ARB2A: variants seen among roughly 807,000 people sequenced by gnomAD.
ARB2A encodes ARB2 cotranscriptional regulator A, also known as cotranscriptional regulator ARB2A.
the ARB2A span, among the ~76,000 whole-genome samples, chr5:93,907,574 A>C: frequency 6.6e-6 from 1 of 151,500 alleles, no homozygotes; most frequent in Non-Finnish European, 1.5e-5. Flanking sequence ...TCACAATGTC[A>C]AAATCATAAA....
chr5:93,873,034 T>C, the ARB2A span, among the ~76,000 whole-genome samples: 1 of 152,208 alleles, frequency 6.6e-6, no homozygotes, highest in Admixed American at 6.5e-5. Flanking sequence ...AATCTCATGC[T>C]ACTCAACATC....
chr5:93,683,151 C>T, the ARB2A span: 1 of 1,437,970 alleles, frequency 7.0e-7, no homozygotes, highest in Non-Finnish European at 9.7e-7. Context: ...TTCACTGGCG[C>T]TTTTTCTTCA....
At chr5:93,982,957 A>T in the ARB2A span, among the ~76,000 whole-genome samples, 13 of 152,252 alleles carry the variant, frequency 8.5e-5, no homozygotes, top group South Asian at 2.7e-3. Context: ...CTGGGAGGCT[A>T]AGGTAGGAGA....
chr5:94,056,540 G>A, the ARB2A span, among the ~76,000 whole-genome samples: 1 of 152,052 alleles, frequency 6.6e-6, no homozygotes, highest in Non-Finnish European at 1.5e-5. Flanking sequence ...AAATACAATA[G>A]ATTTGAATCC....
At chr5:93,631,122 C>T in the ARB2A span, among the ~76,000 whole-genome samples, 7 of 151,932 alleles carry the variant, frequency 4.6e-5, no homozygotes, top group Admixed American at 1.3e-4. Context: ...TGAGCTCAGG[C>T]GATCCACCCA....
chr5:93,703,327 A>C, the ARB2A span, among the ~76,000 whole-genome samples: 1 of 152,020 alleles, frequency 6.6e-6, no homozygotes, highest in Non-Finnish European at 1.5e-5. Flanking sequence ...TAGAATCTCA[A>C]CTCCCCCACT....
the ARB2A span, among the ~76,000 whole-genome samples, chr5:94,003,189 C>T: frequency 1.6e-3 from 237 of 152,140 alleles, 1 homozygote; most frequent in African/African-American, 5.0e-3. Flanking sequence ...AATACAGTCA[C>T]GTATTCAATT....
At chr5:94,013,725 G>T in the ARB2A span, among the ~76,000 whole-genome samples, 1 of 151,886 alleles carries the variant, frequency 6.6e-6, no homozygotes, top group Non-Finnish European at 1.5e-5. Context: ...CAAGATGCTG[G>T]AATATAAAGA....
At chr5:93,868,357 G>C in the ARB2A span, among the ~76,000 whole-genome samples, 2 of 152,002 alleles carry the variant, frequency 1.3e-5, no homozygotes, top group Non-Finnish European at 2.9e-5. Flanking sequence ...AGTCTATTAG[G>C]GAAACACTCA....
chr5:93,851,826 G>A, the ARB2A span, among the ~76,000 whole-genome samples: 3 of 152,080 alleles, frequency 2.0e-5, no homozygotes, highest in Admixed American at 6.5e-5. Flanking sequence ...GTGTATATAT[G>A]CCACATTTTC....
At chr5:93,782,024 CT>C in the ARB2A span, 1 of 657,464 alleles carries the variant, frequency 1.5e-6, no homozygotes, top group Non-Finnish European at 1.9e-6. Flanking sequence ...ACACTGGACT[CT>C]TATCTTGCCA....
the ARB2A span, among the ~76,000 whole-genome samples, chr5:93,866,975 C>A: frequency 6.6e-6 from 1 of 151,864 alleles, no homozygotes; most frequent in Non-Finnish European, 1.5e-5. Context: ...ATTGTACATA[C>A]CCCTTTAATG....
At chr5:93,765,841 T>C in the ARB2A span, among the ~76,000 whole-genome samples, 631 of 152,168 alleles carry the variant, frequency 4.1e-3, 20 homozygotes, top group Admixed American at 0.038. Flanking sequence ...AAAACAGAGA[T>C]ATAGACCAAT....
chr5:93,845,367 A>G, the ARB2A span, among the ~76,000 whole-genome samples: 2 of 152,200 alleles, frequency 1.3e-5, no homozygotes, highest in Admixed American at 6.5e-5. Context: ...TATTCTCCCT[A>G]CCACAATAAC....
chr5:93,925,510 C>T, the ARB2A span, among the ~76,000 whole-genome samples: 4 of 152,260 alleles, frequency 2.6e-5, no homozygotes, highest in Admixed American at 2.0e-4. Context: ...GCTTAGGGTC[C>T]TGGGTATGTG....
chr5:93,679,258 G>A, the ARB2A span, among the ~76,000 whole-genome samples: 3 of 151,648 alleles, frequency 2.0e-5, no homozygotes, highest in Non-Finnish European at 4.4e-5. Context: ...AGATGCTGCT[G>A]CAGGAGAGAA....
At chr5:93,692,063 G>A in the ARB2A span, among the ~76,000 whole-genome samples, 1 of 152,148 alleles carries the variant, frequency 6.6e-6, no homozygotes, top group African/African-American at 2.4e-5. Context: ...ACCTACCACT[G>A]CAAAAACATA....
At chr5:93,933,949 T>A in the ARB2A span, among the ~76,000 whole-genome samples, 240 of 152,106 alleles carry the variant, frequency 1.6e-3, 1 homozygote, top group African/African-American at 5.5e-3. Flanking sequence ...GAGGTTGCAG[T>A]GAGCCGAGAT....
At chr5:93,832,617 G>A in the ARB2A span, among the ~76,000 whole-genome samples, 1 of 152,156 alleles carries the variant, frequency 6.6e-6, no homozygotes, top group Non-Finnish European at 1.5e-5. Flanking sequence ...AAGCAACCTT[G>A]CTTAAGGTTA....
Sources: gnomAD v4.1 joint callset for allele counts (sites outside exome capture counted in the v4.1 genomes callset) on GRCh38, gnomAD v4.1.1 for gene constraint, MANE v1.5 for transcripts, NCBI Gene and HGNC (gene_info 2026-07-23, HGNC 2026-07-21) for gene names.